The following DNAH14 variants were observed in gnomAD, a reference collection of about 807,000 sequenced individuals.
DNAH14 encodes axonemal beta dynein heavy chain 14.
A neutral mutation model predicts 520.9 loss-of-function variants in DNAH14; 478 were observed. That is an observed-to-expected ratio of 0.92 (90% confidence interval 0.85 to 0.99). DNAH14 has a LOEUF of 0.99. Ranked by LOEUF, DNAH14 falls within the 50% of genes least tolerant of loss-of-function variation. The probability of loss-of-function intolerance (pLI) is 0.00; values close to 1 mark genes in which losing one functional copy is unlikely to be tolerated. For missense variants in DNAH14, 4,831 were observed against 5,234.5 expected, an observed-to-expected ratio of 0.92 and a Z score of 2.38; for synonymous variants, 1,581 against 1,757.2, an observed-to-expected ratio of 0.90 and a Z score of 2.51.
intron 21 of DNAH14, 70 bp from the exon 22 acceptor site, chr1:225,097,048 T>C: frequency 7.6e-7 from 1 of 1,309,520 alleles, no homozygotes; most frequent in East Asian, 2.6e-5. Flanking sequence ...GATCTGTTTC[T>C]GTTATGTAAC....
chr1:224,960,375 T>G, intron 4 of DNAH14, 73 bp downstream of exon 4: 2 of 1,373,428 alleles, frequency 1.5e-6, no homozygotes, highest in Non-Finnish European at 1.9e-6. Context: ...TTTGTGTGCT[T>G]ATATTGGACA....
chr1:225,145,171 T>C (rs1250190164), intron 29 of DNAH14, among the ~76,000 whole-genome samples, 155 bp from the exon 30 acceptor site: 2 of 152,222 alleles, frequency 1.3e-5, no homozygotes, highest in African/African-American at 4.8e-5. Flanking sequence ...TACTATTATA[T>C]TGAGTTTTGT....
rs1328026180 is a variant in DNAH14, at chr1:225,360,878, A to G, written c.11974A>G (p.Thr3992Ala). The change falls in exon 75 of 86, where the codon ACA (threonine) becomes GCA (alanine). Residue 3992 changes from threonine to alanine, a missense_variant. Transcript: ENST00000682510. Reference protein sequence around the residue: ...LATSFMPRLCTIVESFNSPNV... With the variant: ...LATSFMPRLCAIVESFNSPNV... ...AACATCATTTATGCCAAGGCTTTGCACAATTGTAGAATCGTAAGAGTTTTA... is the reference window on the plus strand; with the variant it reads ...AACATCATTTATGCCAAGGCTTTGCGCAATTGTAGAATCGTAAGAGTTTTA... The G allele has an allele frequency of 6.4e-7, 1 of 1,551,562 alleles. No homozygotes were observed. The highest frequency in any genetic ancestry group is 8.7e-7 in the Non-Finnish European group (1 of 1,146,950).
At chr1:225,101,249 G>A (rs2075429725) in intron 23 of DNAH14, among the ~76,000 whole-genome samples, 1 of 151,390 alleles carries the variant, frequency 6.6e-6, no homozygotes, top group Non-Finnish European at 1.5e-5. Flanking sequence ...GATAGTAGAT[G>A]TATATATTTA....
In DNAH14 at chr1:225,039,840, T is replaced by G. The variant is rs1297406544; in HGVS notation, c.1488+1017T>G. On this transcript the variant is annotated intron_variant, in intron 12 of 85. Transcript: ENST00000682510. ...TTGCAGTGAGCCGAGATCCCGCCAC[T>G]GCACTCCAGCCTGGGCGACAGAGCG... is the stretch of plus-strand genomic sequence containing the variant. Among the ~76,000 whole-genome samples the G allele has an allele frequency of 4.0e-5, 4 of 99,796 alleles. No individual in the cohort carries two copies. In the East Asian group the frequency reaches 1.4e-3, roughly 35 times the overall value. 65.5% of individuals were successfully genotyped at this position (99,796 alleles called of 152,430 possible). A position where few individuals can be genotyped will look rare whatever the true frequency, so the allele number is the denominator to read the frequency against.
Position 224,974,125 on chromosome 1 carries a change from G to A in DNAH14, c.802G>A (p.Val268Ile), listed in dbSNP as rs1242951796. ...NKAFVTWKLN[V>I]KRIKTEKSRS... ...AGCATTTGTTACCTGGAAATTGAATGTTAAAAGAATTAAGACAGAGAAGAG... is the reference window on the plus strand; with the variant it reads ...AGCATTTGTTACCTGGAAATTGAATATTAAAAGAATTAAGACAGAGAAGAG... The change falls in exon 8 of 86, where the codon GTT (valine) becomes ATT (isoleucine). Residue 268 changes from valine to isoleucine, a missense_variant. Coordinates refer to ENST00000682510, the MANE Select transcript of DNAH14 (RefSeq NM_001367479.1). The A allele has an allele frequency of 6.6e-7, 1 of 1,506,154 alleles. No homozygotes were observed. The highest frequency in any genetic ancestry group is 8.9e-7 in the Non-Finnish European group (1 of 1,122,530). The allele number at this position is 1,506,154 out of a possible 1,614,324, so 93.3% of individuals were successfully genotyped here. A position where few individuals can be genotyped will look rare whatever the true frequency, so the allele number is the denominator to read the frequency against.
intron 8 of DNAH14, among the ~76,000 whole-genome samples, chr1:224,978,462 C>T (rs923286375): frequency 1.3e-5 from 2 of 152,062 alleles, no homozygotes; most frequent in African/African-American, 4.8e-5. Flanking sequence ...TATTTGAACT[C>T]ATAGAAGTGG....
chr1:225,232,292 C>CACACACAT lies in DNAH14; in HGVS notation c.6518+1148_6518+1149insTACACACA, dbSNP rs2091208732. 2.0e-5 allele frequency among the ~76,000 whole-genome samples: 3 copies of CACACACAT among 152,012 alleles called. No homozygotes were observed. The highest frequency in any genetic ancestry group is 6.6e-5 in the Admixed American group (1 of 15,240). ...TGATATATATATATACACACACACACACACACACGTGTATCACAGGTTATT... is the reference window on the plus strand; with the variant it reads ...TGATATATATATATACACACACACACACACACATACACACACGTGTATCACAGGTTATT... On this transcript the variant is annotated intron_variant, in intron 42 of 85. Transcript: ENST00000682510. This position sits in a 1 kb window ranked among gnomAD's most constrained non-coding sequence, Gnocchi z 4.2.
intron 76 of DNAH14, 39 bp from the exon 77 acceptor site, chr1:225,367,766 C>T (rs1318091356): frequency 1.4e-6 from 2 of 1,428,920 alleles, no homozygotes; most frequent in Non-Finnish European, 1.9e-6. Flanking sequence ...GTGCCTGCAT[C>T]TGTCCTCACA....
At chr1:224,943,636 CT>C (rs1198487707) in intron 1 of DNAH14, among the ~76,000 whole-genome samples, 3 of 152,068 alleles carry the variant, frequency 2.0e-5, no homozygotes, top group African/African-American at 7.2e-5. Context: ...GCATTTAGTG[CT>C]GTAAATTTCC....
At position 225,082,707 on chromosome 1, in the gene DNAH14, A is replaced by T. The variant is rs3128655; in HGVS notation, c.3295A>T (p.Asn1099Tyr). 0.85 allele frequency: 1,313,059 copies of T among 1,550,332 alleles called. 564,641 individuals are homozygous for T. The highest frequency in any genetic ancestry group is 0.88 in the Non-Finnish European group (1,013,581 of 1,146,526). The change falls in exon 20 of 86, where the codon AAC (asparagine) becomes TAC (tyrosine). Residue 1099 changes from asparagine (N) to tyrosine (Y), a missense_variant. Asn to Tyr is a moderately radical substitution (Grantham distance 143). Transcript: ENST00000682510. ...IIGKSVPLDK[N>Y]CKVENLLALK... is the part of the protein sequence containing the mutation. ...TGGGAAGTCAGTTCCGCTTGATAAA[A>T]ACTGTAAAGTAGAGAATCTTCTAGC... is the stretch of plus-strand genomic sequence containing the variant.
At chr1:225,175,684 G>A (rs1202107558) in intron 36 of DNAH14, among the ~76,000 whole-genome samples, 1 of 145,110 alleles carries the variant, frequency 6.9e-6, no homozygotes, top group East Asian at 2.0e-4. Context: ...TGAGGTGTAA[G>A]TGTGTTTATT....
At chr1:225,067,650 A>G (rs1217361378) in intron 17 of DNAH14, among the ~76,000 whole-genome samples, 1 of 152,128 alleles carries the variant, frequency 6.6e-6, no homozygotes, top group Non-Finnish European at 1.5e-5. Flanking sequence ...CTCTTTAGTA[A>G]TAGCCATCCT....
At chr1:225,371,411 G>A (rs972472871) in intron 77 of DNAH14, among the ~76,000 whole-genome samples, 26 of 151,680 alleles carry the variant, frequency 1.7e-4, no homozygotes, top group Non-Finnish European at 2.9e-4. Flanking sequence ...TAAAGTAATA[G>A]GATTAAAAGG....
chr1:225,269,210 C>G (rs1227199824), intron 49 of DNAH14, among the ~76,000 whole-genome samples: 1 of 152,066 alleles, frequency 6.6e-6, no homozygotes, highest in Non-Finnish European at 1.5e-5. Context: ...ACAAACCTGA[C>G]AAAAACAAGA....
intron 38 of DNAH14, among the ~76,000 whole-genome samples, chr1:225,200,902 C>T (rs2086738148): frequency 6.6e-6 from 1 of 152,050 alleles, no homozygotes. Flanking sequence ...ATGTCTAGGT[C>T]TCTAGTAAGG....
At chr1:225,075,316 T>C (rs1274942795) in intron 17 of DNAH14, among the ~76,000 whole-genome samples, 1 of 152,170 alleles carries the variant, frequency 6.6e-6, no homozygotes, top group Non-Finnish European at 1.5e-5. Context: ...TCGAGTTGTT[T>C]CCTTTATTAG....
chr1:225,216,227 A>T (rs1574056986), intron 41 of DNAH14, among the ~76,000 whole-genome samples: 1 of 152,064 alleles, frequency 6.6e-6, no homozygotes, highest in Non-Finnish European at 1.5e-5. Flanking sequence ...ATTGGCTCCC[A>T]CTCTCTTCTG....
At chr1:225,038,951 C>A in intron 12 of DNAH14, 128 bp downstream of exon 12, 2 of 751,236 alleles carry the variant, frequency 2.7e-6, no homozygotes, top group Non-Finnish European at 4.1e-6. Context: ...CCAACACACA[C>A]ACACACTTAG....
Sources: allele counts gnomAD v4.1 joint callset (sites outside exome capture counted in the v4.1 genomes callset), GRCh38; gene constraint gnomAD v4.1.1; non-coding constraint Gnocchi (gnomAD v3.1); transcripts MANE v1.5; gene names NCBI Gene and HGNC (gene_info 2026-07-23, HGNC 2026-07-21).